The following NAXD variants were observed in gnomAD, a reference collection of about 807,000 sequenced individuals.
The protein encoded by NAXD is ATP-dependent (S)-NAD(P)H-hydrate dehydratase.
NAXD carries 22 observed loss-of-function variants against 35.8 expected under a neutral mutation model. The observed-to-expected ratio is 0.62, with a 90% CI of 0.44 to 0.88. The LOEUF is 0.88. NAXD is among the 40% of genes least tolerant of loss of function. The pLI is 0.00. For synonymous variants in NAXD, 189 were observed against 177.6 expected (o/e 1.06, Z -0.51); for missense variants, 428 against 437.7 (o/e 0.98, Z 0.20).
In NAXD at chr13:110,624,221, A is replaced by G; in HGVS notation, c.198-13A>G. ...TTCTCAGAAGTTTTTGACTCTAAAT[A>G]CCTTCTTTTTAGGTACACTGGAGCC... On this transcript the variant is annotated splice_polypyrimidine_tract_variant and intron_variant, in intron 2 of 9. Transcript: ENST00000680254. The G allele has an allele frequency of 1.3e-6, 2 of 1,587,924 alleles. No homozygotes were observed. The highest frequency in any genetic ancestry group is 8.6e-7 in the Non-Finnish European group (1 of 1,158,460).
chr13:110,617,256 A>G (rs989971880), intron 1 of NAXD, among the ~76,000 whole-genome samples: 1 of 152,222 alleles, frequency 6.6e-6, no homozygotes, highest in South Asian at 2.1e-4. Context: ...TTCCAGTACT[A>G]AAAGCACTTT....
intron 5 of NAXD, among the ~76,000 whole-genome samples, chr13:110,632,823 C>CCCTGA (rs1673634907): frequency 7.6e-6 from 1 of 131,178 alleles, no homozygotes; most frequent in Non-Finnish European, 1.7e-5. Flanking sequence ...CATTCACAAA[C>CCCTGA]CCTGAGCTAA....
rs1284769340 is a variant in NAXD at position 110,615,571 on chromosome 13, G to C, written c.-31G>C. The C allele has an allele frequency of 3.0e-6, 4 of 1,337,910 alleles. No individual in the cohort carries two copies. The highest frequency in any genetic ancestry group is 3.8e-6 in the Non-Finnish European group (4 of 1,043,278). 82.9% of individuals were successfully genotyped at this position (1,337,910 alleles called of 1,614,324 possible). On this transcript the variant is annotated 5_prime_UTR_variant, in exon 1 of 10. Coordinates refer to ENST00000680254, the MANE Select transcript of NAXD (RefSeq NM_001242882.2). Reference sequence around the variant, plus strand: ...ATGGCTGTGTTTCCGGCGACGGCGCGGGGGCAGCTGGGAATCCGGAATGCT... The same window carrying C: ...ATGGCTGTGTTTCCGGCGACGGCGCCGGGGCAGCTGGGAATCCGGAATGCT...
intron 5 of NAXD, among the ~76,000 whole-genome samples, chr13:110,631,775 C>T (rs1246504358): frequency 1.3e-5 from 2 of 152,116 alleles, no homozygotes; most frequent in African/African-American, 2.4e-5. Context: ...AATAAACTTC[C>T]ATGAAGTCTC....
At position 110,638,925 on chromosome 13, in the gene NAXD, C is replaced by T. The variant is rs1887058977; in HGVS notation, c.*397C>T. 1 of 362,716 alleles carries T rather than the reference C, an allele frequency of 2.8e-6. No homozygotes were observed. The highest frequency in any genetic ancestry group is 2.2e-5 in the African/African-American group (1 of 46,320). 22.5% of individuals were successfully genotyped at this position (362,716 alleles called of 1,614,324 possible). ...GCGCCCTTCGTTCCTCCTCTGCTTC[C>T]CTTCCCTAGTCTTTCCTCCGGCAGG... On this transcript the variant is annotated 3_prime_UTR_variant, in exon 10 of 10. Transcript: ENST00000680254. The surrounding 1 kb of genome is among the most constrained non-coding windows in gnomAD (Gnocchi z 5.4).
At chr13:110,630,028 T>G (rs556627857) in intron 5 of NAXD, among the ~76,000 whole-genome samples, 148 of 152,166 alleles carry the variant, frequency 9.7e-4, no homozygotes, top group African/African-American at 3.4e-3. Flanking sequence ...TTTTTTTTGT[T>G]TTTGTTTTGT....
intron 5 of NAXD, among the ~76,000 whole-genome samples, 186 bp from the exon 6 acceptor site, chr13:110,634,359 A>T (rs899428160): frequency 6.6e-5 from 10 of 152,182 alleles, no homozygotes; most frequent in African/African-American, 1.9e-4. Flanking sequence ...GGCAGGAGAG[A>T]GACCCTTATG....
intron 9 of NAXD, chr13:110,637,812 G>A (rs148798332): frequency 6.3e-4 from 295 of 465,382 alleles, no homozygotes; most frequent in African/African-American, 5.1e-3. Flanking sequence ...TGGAGGGTGG[G>A]CAGGGCTGTC....
intron 5 of NAXD, among the ~76,000 whole-genome samples, chr13:110,634,256 C>T (rs1886832404): frequency 6.6e-6 from 1 of 152,160 alleles, no homozygotes; most frequent in African/African-American, 2.4e-5. Flanking sequence ...GTACCACAGA[C>T]TGGGTAATTG....
intron 1 of NAXD, 128 bp downstream of exon 1, chr13:110,615,775 G>C (rs1344622915): frequency 6.5e-6 from 9 of 1,380,898 alleles, no homozygotes; most frequent in Non-Finnish European, 8.4e-6. Flanking sequence ...CTGGACGCAG[G>C]TACCCGACCG....
chr13:110,623,328 G>A (rs1191822215), intron 2 of NAXD, among the ~76,000 whole-genome samples: 4 of 152,156 alleles, frequency 2.6e-5, no homozygotes, highest in Non-Finnish European at 4.4e-5. Context: ...TTCACTGCTC[G>A]GAATGGACAT....
Position 110,622,381 on chromosome 13 carries a change from T to C in NAXD, c.197+15T>C. 6.2e-7 allele frequency: 1 copy of C among 1,613,338 alleles called. No individual in the cohort carries two copies. The highest frequency in any genetic ancestry group is 8.5e-7 in the Non-Finnish European group (1 of 1,179,366). Reference sequence around the variant, plus strand: ...GGCTGTCAGGAGTAAGTAGCTGATGTGCAGTGTTGGTGTTTAAAAAGTCAG... The same window carrying C: ...GGCTGTCAGGAGTAAGTAGCTGATGCGCAGTGTTGGTGTTTAAAAAGTCAG... On this transcript the variant is annotated intron_variant, in intron 2 of 9. Coordinates refer to ENST00000680254, the MANE Select transcript of NAXD (RefSeq NM_001242882.2).
chr13:110,635,137 T>A (rs564396833), intron 7 of NAXD, among the ~76,000 whole-genome samples: 1 of 152,248 alleles, frequency 6.6e-6, no homozygotes, highest in South Asian at 2.1e-4. Context: ...CCCCACATGG[T>A]AAGTGTCCCA....
chr13:110,638,123 T>C lies in NAXD; in HGVS notation c.840-255T>C. On this transcript the variant is annotated intron_variant, in intron 9 of 9. Transcript: ENST00000680254. This position sits in a 1 kb window ranked among gnomAD's most constrained non-coding sequence, Gnocchi z 5.4. The stretch of plus-strand genomic sequence containing the variant: ...CTTTCCCCGGGAACACCTGGCCCAC[T>C]GTGTGCCCTAGCCCTGGACCTGTCT... 1.9e-6 allele frequency: 2 copies of C among 1,027,334 alleles called. No homozygotes were observed. The highest frequency in any genetic ancestry group is 1.4e-6 in the Non-Finnish European group (1 of 690,688). The allele number at this position is 1,027,334 out of a possible 1,614,324, so 63.6% of individuals were successfully genotyped here. A position where few individuals can be genotyped will look rare whatever the true frequency, so the allele number is the denominator to read the frequency against.
rs753100685 is a variant in NAXD, at chr13:110,628,428, AGGTGCCT to A, written c.441+884_441+890del. The stretch of plus-strand genomic sequence containing the variant: ...AGGGACTACGCTTGAAGCCCTTAGA[AGGTGCCT>A]GGCCATTTTGTGTTCCCCAGATCAG... On this transcript the variant is annotated intron_variant, in intron 5 of 9. Transcript: ENST00000680254. The surrounding 1 kb of genome is among the most constrained non-coding windows in gnomAD (Gnocchi z 4.1). 6.6e-6 allele frequency among the ~76,000 whole-genome samples: 1 copy of A among 152,172 alleles called. No homozygotes were observed. Among genetic ancestry groups the A allele is most frequent in the Non-Finnish European group, 1.5e-5 (1 of 68,024 alleles).
chr13:110,615,502 C>A, upstream of NAXD: 1 of 1,181,174 alleles, frequency 8.5e-7, no homozygotes, highest in Non-Finnish European at 1.1e-6. Flanking sequence ...ATCCCACTGC[C>A]GACAGCCGCG....
chr13:110,635,152 T>C (rs1886876366), intron 7 of NAXD, among the ~76,000 whole-genome samples: 3 of 152,152 alleles, frequency 2.0e-5, no homozygotes. Context: ...GTCCCATCAA[T>C]GTTAGTGCCC....
intron 4 of NAXD, among the ~76,000 whole-genome samples, 198 bp from the exon 5 acceptor site, chr13:110,627,241 G>A (rs946443296): frequency 2.6e-5 from 4 of 152,240 alleles, no homozygotes; most frequent in Admixed American, 2.0e-4. Flanking sequence ...TGTGTGAGGC[G>A]TTAACCTCGG....
intron 2 of NAXD, among the ~76,000 whole-genome samples, chr13:110,623,201 T>A (rs1320688198): frequency 6.6e-6 from 1 of 152,154 alleles, no homozygotes; most frequent in Non-Finnish European, 1.5e-5. Context: ...ATGTTGCCTG[T>A]TCTGTACTGT....
Sources: allele counts gnomAD v4.1 joint callset (sites outside exome capture counted in the v4.1 genomes callset), GRCh38; gene constraint gnomAD v4.1.1; non-coding constraint Gnocchi (gnomAD v3.1); transcripts MANE v1.5; gene names NCBI Gene and HGNC (gene_info 2026-07-23, HGNC 2026-07-21).